Variants in ITPR1 observed in about 807,000 individuals in gnomAD.
ITPR1 encodes inositol 1,4,5-trisphosphate receptor type 1.
Under a neutral mutation model 318.4 loss-of-function variants are expected in ITPR1, and 96 were observed. The ratio of observed to expected loss-of-function variants is 0.30; its 90% CI spans 0.26 to 0.36. ITPR1 has a LOEUF of 0.36. Among genes scored for constraint, ITPR1 ranks in the 10% least tolerant of loss-of-function variants. The pLI is 1.00. For missense variants in ITPR1, 2,440 were observed against 3,460.2 expected (o/e 0.71, Z 7.40); for synonymous variants, 1,312 against 1,289.9 (o/e 1.02, Z -0.37).
At chr3:4,811,211 T>G in intron 55 of ITPR1, 54 bp from the exon 56 acceptor site, 2 of 1,299,672 alleles carry the variant, frequency 1.5e-6, no homozygotes, top group Non-Finnish European at 2.1e-6. Context: ...TATGGGATAG[T>G]GATGTACATC....
intron 44 of ITPR1, chr3:4,751,142 C>G (rs1479234132): frequency 6.6e-6 from 1 of 152,656 alleles, no homozygotes; most frequent in African/African-American, 2.4e-5. Flanking sequence ...CTGGGTGAAG[C>G]AATGACGTCT....
intron 2 of ITPR1, among the ~76,000 whole-genome samples, chr3:4,512,358 A>G (rs749034097): frequency 1.3e-5 from 2 of 152,138 alleles, no homozygotes; most frequent in African/African-American, 2.4e-5. Flanking sequence ...GGGAGATTTC[A>G]TTATTGGGTG....
chr3:4,845,819 T>C (rs1463552299), intron 61 of ITPR1, among the ~76,000 whole-genome samples: 1 of 152,214 alleles, frequency 6.6e-6, no homozygotes, highest in African/African-American at 2.4e-5. Context: ...CATTTTCCAA[T>C]GAGTCTTCAA....
intron 40 of ITPR1, among the ~76,000 whole-genome samples, chr3:4,718,032 G>A (rs959872468): frequency 6.6e-6 from 1 of 152,174 alleles, no homozygotes; most frequent in East Asian, 1.9e-4. Context: ...AGTGGCTTCT[G>A]TACTTATATA....
chr3:4,660,725 ACACT>A (rs2093814234), intron 13 of ITPR1, among the ~76,000 whole-genome samples: 1 of 152,286 alleles, frequency 6.6e-6, no homozygotes, highest in Non-Finnish European at 1.5e-5. Flanking sequence ...TTATGCTGAG[ACACT>A]CATTCATGGA....
At chr3:4,734,749 G>T (rs2043158650) in intron 43 of ITPR1, among the ~76,000 whole-genome samples, 1 of 152,222 alleles carries the variant, frequency 6.6e-6, no homozygotes, top group Non-Finnish European at 1.5e-5. Flanking sequence ...GTTAAAAGGA[G>T]AGCTAAAGTG....
At chr3:4,604,368 A>G (rs1365293957) in intron 4 of ITPR1, among the ~76,000 whole-genome samples, 1 of 152,152 alleles carries the variant, frequency 6.6e-6, no homozygotes, top group Non-Finnish European at 1.5e-5. Context: ...CTGAGGCACC[A>G]AGATGTAAAG....
intron 4 of ITPR1, among the ~76,000 whole-genome samples, chr3:4,617,613 C>A (rs1390142958): frequency 6.6e-6 from 1 of 152,118 alleles, no homozygotes; most frequent in African/African-American, 2.4e-5. Flanking sequence ...ATCATAAGAT[C>A]CAGATTTTGT....
At chr3:4,692,058 T>C (rs2094488297) in intron 32 of ITPR1, among the ~76,000 whole-genome samples, 1 of 151,832 alleles carries the variant, frequency 6.6e-6, no homozygotes, top group Admixed American at 6.6e-5. Context: ...GGAAGATCCC[T>C]TGAGCCCAGG....
chr3:4,691,850 G>A (rs2094484125), intron 32 of ITPR1, among the ~76,000 whole-genome samples: 1 of 152,106 alleles, frequency 6.6e-6, no homozygotes, highest in Non-Finnish European at 1.5e-5. Context: ...TGGCAGGGAG[G>A]GTAGTGTGAT....
intron 30 of ITPR1, among the ~76,000 whole-genome samples, chr3:4,687,453 A>G (rs2094413855): frequency 6.6e-6 from 1 of 152,222 alleles, no homozygotes; most frequent in Non-Finnish European, 1.5e-5. Context: ...TCCAGGTCAC[A>G]CAGCCAGGAA....
At chr3:4,756,476 C>G (rs1359004286) in intron 44 of ITPR1, among the ~76,000 whole-genome samples, 1 of 152,104 alleles carries the variant, frequency 6.6e-6, no homozygotes, top group Non-Finnish European at 1.5e-5. Context: ...TCCTCTCCCT[C>G]CTCCCACCCT....
intron 51 of ITPR1, among the ~76,000 whole-genome samples, chr3:4,787,122 G>A (rs2633718): frequency 0.63 from 95,335 of 151,812 alleles, 30,337 homozygotes; most frequent in East Asian, 0.89. Context: ...GGCTGTCCTC[G>A]TGGATAGGAC....
chr3:4,783,239 C>T (rs766721819), intron 50 of ITPR1, among the ~76,000 whole-genome samples: 85 of 152,264 alleles, frequency 5.6e-4, no homozygotes, highest in African/African-American at 1.4e-3. Context: ...TCCTTCCAAG[C>T]GGCTGGGTTT....
intron 12 of ITPR1, among the ~76,000 whole-genome samples, chr3:4,657,447 T>C (rs1447829065): frequency 6.6e-6 from 1 of 150,566 alleles, no homozygotes; most frequent in African/African-American, 2.5e-5. Flanking sequence ...CATCTCTTAG[T>C]GTAACTGCAC....
chr3:4,777,400 C>A, intron 48 of ITPR1, 26 bp downstream of exon 48: 1 of 1,408,666 alleles, frequency 7.1e-7, no homozygotes, highest in South Asian at 1.2e-5. Flanking sequence ...AAGCAGAAGA[C>A]AGTCATTTGG....
chr3:4,627,777 C>G lies in ITPR1; in HGVS notation c.178C>G (p.Leu60Val), dbSNP rs376974334. Residue 60 changes from leucine to valine, a missense_variant, in exon 5 of 62, where the codon CTA (leucine) becomes GTA (valine). Physicochemically the swap from Leu to Val is conservative, Grantham distance 32. Coordinates refer to ENST00000649015, the MANE Select transcript of ITPR1 (RefSeq NM_001378452.1). ...TTCACTTCTAGACTGCCTCTTTAAG[C>G]TATGTCCCATGAACCGCTACTCTGC... is the stretch of plus-strand genomic sequence containing the variant. ...PKKFRDCLFKLCPMNRYSAQK... is the reference protein window; with the variant it reads ...PKKFRDCLFKVCPMNRYSAQK... 2.5e-5 allele frequency: 40 copies of G among 1,612,494 alleles called. No homozygotes were observed. The highest frequency in any genetic ancestry group is 3.2e-5 in the Non-Finnish European group (38 of 1,178,792).
At chr3:4,525,590 C>T (rs1437064663) in intron 4 of ITPR1, among the ~76,000 whole-genome samples, 2 of 152,110 alleles carry the variant, frequency 1.3e-5, no homozygotes, top group Admixed American at 6.5e-5. Context: ...TCATTGTCCT[C>T]GTAAGGGATG....
rs760628112 is a variant in ITPR1 at position 4,675,023 on chromosome 3, G to T, written c.2599-45G>T. 6.8e-6 allele frequency: 7 copies of T among 1,030,008 alleles called. No individual in the cohort carries two copies. In the South Asian group the frequency reaches 9.8e-5, roughly 14 times the overall value. The allele number at this position is 1,030,008 out of a possible 1,614,324, so 63.8% of individuals were successfully genotyped here. A position where few individuals can be genotyped will look rare whatever the true frequency, so the allele number is the denominator to read the frequency against. ...AACATCAAATGGAATTGAAGGGGAT[G>T]CAGTTTATGTAATACCGTCTTCTTC... On this transcript the variant is annotated intron_variant, in intron 22 of 61. Coordinates refer to ENST00000649015, the MANE Select transcript of ITPR1 (RefSeq NM_001378452.1).
Sources: gnomAD v4.1 joint callset for allele counts (sites outside exome capture counted in the v4.1 genomes callset) on GRCh38, gnomAD v4.1.1 for gene constraint, MANE v1.5 for transcripts, NCBI Gene and HGNC (gene_info 2026-07-23, HGNC 2026-07-21) for gene names.